Variants in KCNK12 observed in about 807,000 individuals in gnomAD.
KCNK12 encodes the protein potassium two pore domain channel subfamily K member 12.
A neutral mutation model predicts 25.3 loss-of-function variants in KCNK12; 6 were observed. The observed-to-expected ratio is 0.24, with a 90% CI of 0.13 to 0.47. KCNK12 has a LOEUF of 0.47. KCNK12 is among the 20% of genes least tolerant of loss of function. The pLI is 0.99. For missense variants in KCNK12, 444 were observed against 661.7 expected, an observed-to-expected ratio of 0.67 and a Z score of 3.61; for synonymous variants, 331 against 311.1, an observed-to-expected ratio of 1.06 and a Z score of -0.67.
chr2:47,531,292 G>A (rs1668921542), intron 1 of KCNK12, among the ~76,000 whole-genome samples: 1 of 152,114 alleles, frequency 6.6e-6, no homozygotes, highest in Non-Finnish European at 1.5e-5. Flanking sequence ...GGGCAACATA[G>A]TGGGACCCCA....
chr2:47,547,801 T>C lies in KCNK12; in HGVS notation c.391+22140A>G, dbSNP rs1282332086. Among the ~76,000 whole-genome samples the C allele has an allele frequency of 6.6e-6, 1 of 152,206 alleles. No homozygotes were observed. Among genetic ancestry groups the C allele is most frequent in the African/African-American group, 2.4e-5 (1 of 41,458 alleles). On this transcript the variant is annotated intron_variant, in intron 1 of 1. Transcript: ENST00000327876. The surrounding 1 kb of genome is among the most constrained non-coding windows in gnomAD (Gnocchi z 5.0). ...TTAGTAGAGAGGGGGTTTCACCGTGTTGGCCAGGCTGGTCTCGAACTCCTA... is the reference window on the plus strand; with the variant it reads ...TTAGTAGAGAGGGGGTTTCACCGTGCTGGCCAGGCTGGTCTCGAACTCCTA...
chr2:47,523,716 G>A (rs1268273457), intron 1 of KCNK12, among the ~76,000 whole-genome samples: 1 of 152,154 alleles, frequency 6.6e-6, no homozygotes, highest in Non-Finnish European at 1.5e-5. Flanking sequence ...TCATCTCTTG[G>A]TGGAAAGATT....
intron 1 of KCNK12, 57 bp from the exon 2 acceptor site, chr2:47,521,865 GCGAGGGT>G: frequency 1.4e-6 from 2 of 1,443,050 alleles, no homozygotes; most frequent in Non-Finnish European, 1.8e-6. Flanking sequence ...TCCTCACTGG[GCGAGGGT>G]GGGGGGTGTG....
chr2:47,550,192 T>A (rs1196894337), intron 1 of KCNK12, among the ~76,000 whole-genome samples: 1 of 152,028 alleles, frequency 6.6e-6, no homozygotes, highest in Non-Finnish European at 1.5e-5. Context: ...GAAGCAATAA[T>A]GTCAATCTTT....
Position 47,562,081 on chromosome 2 carries a change from T to C in KCNK12, c.391+7860A>G. On this transcript the variant is annotated intron_variant, in intron 1 of 1. Coordinates refer to ENST00000327876, the MANE Select transcript of KCNK12 (RefSeq NM_022055.2). This position sits in a 1 kb window ranked among gnomAD's most constrained non-coding sequence, Gnocchi z 4.8. Reference sequence around the variant, plus strand: ...GTGCCTGACTCACCGCTGTTCTCTCTACCCTAGCGACTCCAAGTGCATCAG... The same window carrying C: ...GTGCCTGACTCACCGCTGTTCTCTCCACCCTAGCGACTCCAAGTGCATCAG... 2.5e-6 allele frequency: 1 copy of C among 398,596 alleles called. No individual in the cohort carries two copies. Among genetic ancestry groups the C allele is most frequent in the East Asian group, 3.6e-5 (1 of 28,068 alleles). The allele number at this position is 398,596 out of a possible 1,614,324, so 24.7% of individuals were successfully genotyped here. A position where few individuals can be genotyped will look rare whatever the true frequency, so the allele number is the denominator to read the frequency against.
At position 47,570,252 on chromosome 2, in the gene KCNK12, C is replaced by CAGT; in HGVS notation, c.79_80insACT (p.Cys26_Cys27insTyr). The CAGT allele has an allele frequency of 7.2e-7, 1 of 1,394,100 alleles. No homozygotes were observed. The highest frequency in any genetic ancestry group is 9.3e-7 in the Non-Finnish European group (1 of 1,069,534). The allele number at this position is 1,394,100 out of a possible 1,614,324, so 86.4% of individuals were successfully genotyped here. A position where few individuals can be genotyped will look rare whatever the true frequency, so the allele number is the denominator to read the frequency against. Reference sequence around the variant, plus strand: ...GTCCTCGTTGAGGTGCGAACGGCGGCAGCAGCAGCAGCAGCAGGAGGGGCG... The same window carrying CAGT: ...GTCCTCGTTGAGGTGCGAACGGCGGCAGTAGCAGCAGCAGCAGCAGGAGGGGCG... On this transcript the variant is annotated inframe_insertion, in exon 1 of 2. Coordinates refer to ENST00000327876, the MANE Select transcript of KCNK12 (RefSeq NM_022055.2).
rs1482026115 is a variant in KCNK12, at chr2:47,513,719, C to T, written c.*7188G>A. ...CTCTTCTGTTCCTCCTCCTGGGTTCCCAGGCTCAGTGGTGGCACCACTGTC... is the reference window on the plus strand; with the variant it reads ...CTCTTCTGTTCCTCCTCCTGGGTTCTCAGGCTCAGTGGTGGCACCACTGTC... On this transcript the variant is annotated 3_prime_UTR_variant, in exon 2 of 2. Transcript: ENST00000327876. Among the ~76,000 whole-genome samples the T allele has an allele frequency of 2.0e-5, 3 of 152,110 alleles. No homozygotes were observed. The highest frequency in any genetic ancestry group is 7.2e-5 in the African/African-American group (3 of 41,426).
chr2:47,530,550 CCTCA>C (rs964907702), intron 1 of KCNK12, among the ~76,000 whole-genome samples: 2 of 152,152 alleles, frequency 1.3e-5, no homozygotes, highest in African/African-American at 4.8e-5. Flanking sequence ...GTGTATCGAG[CCTCA>C]CTATTTCCAC....
chr2:47,543,579 G>A (rs531644939), intron 1 of KCNK12: 17 of 152,362 alleles, frequency 1.1e-4, no homozygotes, highest in African/African-American at 4.1e-4. Flanking sequence ...GTATTGCTGG[G>A]TGCTCCTGTT....
At position 47,556,309 on chromosome 2, in the gene KCNK12, C is replaced by A. The variant is rs1669549453; in HGVS notation, c.391+13632G>T. Among the ~76,000 whole-genome samples, 1 of 152,170 alleles carries A rather than the reference C, an allele frequency of 6.6e-6. No individual in the cohort carries two copies. Among genetic ancestry groups the A allele is most frequent in the Admixed American group, 6.5e-5 (1 of 15,280 alleles). ...TTGTAAGTGGGCACTTCATCCACTGCCACAGGAGAGAAAGCAGCTCCACAT... is the reference window on the plus strand; with the variant it reads ...TTGTAAGTGGGCACTTCATCCACTGACACAGGAGAGAAAGCAGCTCCACAT... On this transcript the variant is annotated intron_variant, in intron 1 of 1. Coordinates refer to ENST00000327876, the MANE Select transcript of KCNK12 (RefSeq NM_022055.2). This position sits in a 1 kb window ranked among gnomAD's most constrained non-coding sequence, Gnocchi z 4.8.
chr2:47,540,753 C>T lies in KCNK12; in HGVS notation c.392-18945G>A, dbSNP rs1238708714. ...CCAGCCTGGGCAACATGGTGAGACT[C>T]CATCCCTAGAAACAATTAAAAACAA... On this transcript the variant is annotated intron_variant, in intron 1 of 1. Coordinates refer to ENST00000327876, the MANE Select transcript of KCNK12 (RefSeq NM_022055.2). This position sits in a 1 kb window ranked among gnomAD's most constrained non-coding sequence, Gnocchi z 5.4. Among the ~76,000 whole-genome samples the T allele has an allele frequency of 3.3e-5, 5 of 149,594 alleles. No individual in the cohort carries two copies. Among genetic ancestry groups the T allele is most frequent in the Admixed American group, 6.7e-5 (1 of 14,990 alleles).
At chr2:47,561,448 C>T (rs926993525) in intron 1 of KCNK12, among the ~76,000 whole-genome samples, 1 of 152,206 alleles carries the variant, frequency 6.6e-6, no homozygotes, top group African/African-American at 2.4e-5. Flanking sequence ...ACAACACACC[C>T]GAGAGGCAGT....
chr2:47,551,207 G>A lies in KCNK12; in HGVS notation c.391+18734C>T, dbSNP rs1275492408. ...TTCCAGACACACTGGCTTCCTTGCG[G>A]CTCCTCCAGCAAACCCTGCAAGCTC... On this transcript the variant is annotated intron_variant, in intron 1 of 1. Coordinates refer to ENST00000327876, the MANE Select transcript of KCNK12 (RefSeq NM_022055.2). The surrounding 1 kb of genome is among the most constrained non-coding windows in gnomAD (Gnocchi z 5.3). 6.6e-6 allele frequency among the ~76,000 whole-genome samples: 1 copy of A among 152,018 alleles called. No individual in the cohort carries two copies. Among genetic ancestry groups the A allele is most frequent in the East Asian group, 1.9e-4 (1 of 5,182 alleles).
Position 47,569,517 on chromosome 2 carries a change from G to A in KCNK12, c.391+424C>T, listed in dbSNP as rs1236378370. On this transcript the variant is annotated intron_variant, in intron 1 of 1. Transcript: ENST00000327876. This position sits in a 1 kb window ranked among gnomAD's most constrained non-coding sequence, Gnocchi z 4.1. ...CAGGGTAAAAGAAGAAAGCGGGGGA[G>A]ACTATGAAAAGAAATAAAAGCGCCG... is the stretch of plus-strand genomic sequence containing the variant. Among the ~76,000 whole-genome samples the A allele has an allele frequency of 2.0e-5, 3 of 151,710 alleles. No individual in the cohort carries two copies. The highest frequency in any genetic ancestry group is 7.2e-5 in the African/African-American group (3 of 41,436).
chr2:47,531,471 T>TAA (rs575607120), intron 1 of KCNK12, among the ~76,000 whole-genome samples: 1 of 140,630 alleles, frequency 7.1e-6, no homozygotes. Flanking sequence ...AGACCCTGTT[T>TAA]AAAAAAAAAA....
At position 47,515,186 on chromosome 2, in the gene KCNK12, G is replaced by C. The variant is rs888165290; in HGVS notation, c.*5721C>G. Reference sequence around the variant, plus strand: ...GGGTGACGAGAAATCAGGCCTCTCCGCCACGGCAGCCTAGCTAATGGGTCT... The same window carrying C: ...GGGTGACGAGAAATCAGGCCTCTCCCCCACGGCAGCCTAGCTAATGGGTCT... On this transcript the variant is annotated 3_prime_UTR_variant, in exon 2 of 2. Transcript: ENST00000327876. 2.0e-5 allele frequency among the ~76,000 whole-genome samples: 3 copies of C among 152,132 alleles called. No individual in the cohort carries two copies. Among genetic ancestry groups the C allele is most frequent in the African/African-American group, 7.2e-5 (3 of 41,408 alleles).
rs572238313 is a variant in KCNK12, at chr2:47,525,453, G to C, written c.392-3645C>G. Among the ~76,000 whole-genome samples the C allele has an allele frequency of 2.0e-5, 3 of 152,354 alleles. No homozygotes were observed. In the South Asian group the frequency reaches 6.2e-4, roughly 32 times the overall value. ...GTGGAGCATGGTGAGGGTTCTGGGAGAACCCGGCAGTGTCCCCTGGAGTCC... is the reference window on the plus strand; with the variant it reads ...GTGGAGCATGGTGAGGGTTCTGGGACAACCCGGCAGTGTCCCCTGGAGTCC... On this transcript the variant is annotated intron_variant, in intron 1 of 1. Transcript: ENST00000327876. This position sits in a 1 kb window ranked among gnomAD's most constrained non-coding sequence, Gnocchi z 4.1.
At position 47,548,605 on chromosome 2, in the gene KCNK12, C is replaced by CT. The variant is rs1192941486; in HGVS notation, c.391+21335dup. On this transcript the variant is annotated intron_variant, in intron 1 of 1. Coordinates refer to ENST00000327876, the MANE Select transcript of KCNK12 (RefSeq NM_022055.2). The surrounding 1 kb of genome is among the most constrained non-coding windows in gnomAD (Gnocchi z 4.4). Reference sequence around the variant, plus strand: ...TCAACACTTATCCAGATTCTACACACTGACTTTCGCTTCAGGCCACGAGGG... The same window carrying CT: ...TCAACACTTATCCAGATTCTACACACTTGACTTTCGCTTCAGGCCACGAGGG... Among the ~76,000 whole-genome samples the CT allele has an allele frequency of 6.6e-6, 1 of 152,260 alleles. No individual in the cohort carries two copies. The highest frequency in any genetic ancestry group is 2.4e-5 in the African/African-American group (1 of 41,472).
At chr2:47,534,515 A>ACCCCCC (rs34901455) in intron 1 of KCNK12, among the ~76,000 whole-genome samples, 3 of 48,164 alleles carry the variant, frequency 6.2e-5, no homozygotes, top group Non-Finnish European at 1.1e-4. Flanking sequence ...GCCCCTTCTA[A>ACCCCCC]CCCCCCCCCC....
Sources: allele counts gnomAD v4.1 joint callset (sites outside exome capture counted in the v4.1 genomes callset), GRCh38; gene constraint gnomAD v4.1.1; non-coding constraint Gnocchi (gnomAD v3.1); transcripts MANE v1.5; gene names NCBI Gene and HGNC (gene_info 2026-07-23, HGNC 2026-07-21).